The following TIAM2 variants were observed in gnomAD, a reference collection of about 807,000 sequenced individuals.
TIAM2 encodes rho guanine nucleotide exchange factor TIAM2.
A neutral mutation model predicts 152.9 loss-of-function variants in TIAM2; 80 were observed. The ratio of observed to expected loss-of-function variants is 0.52; its 90% CI spans 0.44 to 0.63. TIAM2 has a LOEUF of 0.63. Among genes scored for constraint, TIAM2 ranks in the 30% least tolerant of loss-of-function variants. TIAM2 has a pLI of 0.00. For synonymous variants in TIAM2, 804 were observed against 838.0 expected (o/e 0.96, Z 0.70); for missense variants, 1,965 against 2,120.1 (o/e 0.93, Z 1.44).
chr6:155,150,205 C>T (rs1003121810), intron 7 of TIAM2, among the ~76,000 whole-genome samples: 1 of 152,054 alleles, frequency 6.6e-6, no homozygotes, highest in Non-Finnish European at 1.5e-5. Flanking sequence ...AATAGATGCA[C>T]CTGGCTTAAA....
Position 155,109,901 on chromosome 6 carries a change from G to A in TIAM2, c.-117-17589G>A, listed in dbSNP as rs146133518. Among the ~76,000 whole-genome samples, 20 of 150,348 alleles carry A rather than the reference G, an allele frequency of 1.3e-4. No homozygotes were observed. The East Asian group carries it at 2.7e-3, about 21-fold the overall frequency. On this transcript the variant is annotated intron_variant, in intron 2 of 26. Coordinates refer to ENST00000682666, the MANE Select transcript of TIAM2 (RefSeq NM_012454.4). ...TCTTAGATAATTGATAGAGACTTGTGTATGCATACACATGTGTGCAAATAT... is the reference window on the plus strand; with the variant it reads ...TCTTAGATAATTGATAGAGACTTGTATATGCATACACATGTGTGCAAATAT...
intron 13 of TIAM2, among the ~76,000 whole-genome samples, chr6:155,182,579 G>A (rs559897270): frequency 6.6e-6 from 1 of 152,170 alleles, no homozygotes; most frequent in Non-Finnish European, 1.5e-5. Context: ...GGGAGACAGA[G>A]TGAGACTCCT....
At chr6:155,002,406 G>A (rs775085253) in intron 1 of TIAM2, among the ~76,000 whole-genome samples, 15 of 152,226 alleles carry the variant, frequency 9.9e-5, no homozygotes, top group African/African-American at 3.1e-4. Context: ...GCAAGACCTC[G>A]TCTCAAAATA....
At chr6:155,017,760 C>T (rs1778620777) in intron 1 of TIAM2, among the ~76,000 whole-genome samples, 1 of 152,086 alleles carries the variant, frequency 6.6e-6, no homozygotes, top group Non-Finnish European at 1.5e-5. Flanking sequence ...GCCTCGGCCT[C>T]CCAAAGTGCT....
At position 155,257,710 on chromosome 6, in the gene TIAM2, GA is replaced by G; in HGVS notation, c.*593del. ...TCTCTGCCAAGCTGTATAGTAAAAGGAAAATAAGTCACATCTGGTCATTGGC... is the reference window on the plus strand; with the variant it reads ...TCTCTGCCAAGCTGTATAGTAAAAGGAAATAAGTCACATCTGGTCATTGGC... On this transcript the variant is annotated 3_prime_UTR_variant, in exon 27 of 27. Coordinates refer to ENST00000682666, the MANE Select transcript of TIAM2 (RefSeq NM_012454.4). 1.7e-6 allele frequency: 2 copies of G among 1,170,298 alleles called. No individual in the cohort carries two copies. Among genetic ancestry groups the G allele is most frequent in the Non-Finnish European group, 1.2e-6 (1 of 813,112 alleles). 72.5% of individuals were successfully genotyped at this position (1,170,298 alleles called of 1,614,324 possible). A position where few individuals can be genotyped will look rare whatever the true frequency, so the allele number is the denominator to read the frequency against.
At chr6:155,117,631 C>T (rs1037434879) in intron 2 of TIAM2, among the ~76,000 whole-genome samples, 6 of 152,210 alleles carry the variant, frequency 3.9e-5, no homozygotes, top group East Asian at 1.9e-4. Context: ...ATAGTAAAGG[C>T]GGGGTTTCAC....
Position 155,174,934 on chromosome 6 carries a change from T to G in TIAM2, c.2362-1882T>G, listed in dbSNP as rs1583230623. ...TTAGTTTGCTTCTCAACAAGCCTGG[T>G]TTCAGAGGTGGGGCCTGCACCTTTA... On this transcript the variant is annotated intron_variant, in intron 9 of 26. Transcript: ENST00000682666. The surrounding 1 kb of genome is among the most constrained non-coding windows in gnomAD (Gnocchi z 4.2). Among the ~76,000 whole-genome samples the G allele has an allele frequency of 6.6e-6, 1 of 152,190 alleles. No individual in the cohort carries two copies. Among genetic ancestry groups the G allele is most frequent in the East Asian group, 1.9e-4 (1 of 5,200 alleles).
chr6:155,166,323 T>C (rs966066819), intron 9 of TIAM2, among the ~76,000 whole-genome samples: 58 of 147,520 alleles, frequency 3.9e-4, no homozygotes, highest in African/African-American at 1.2e-3. Flanking sequence ...TTTCTTCTCT[T>C]TTTTTTTTTT....
At chr6:155,053,278 A>G (rs561857288) in intron 1 of TIAM2, among the ~76,000 whole-genome samples, 73 of 152,268 alleles carry the variant, frequency 4.8e-4, no homozygotes, top group Middle Eastern at 3.4e-3. Flanking sequence ...ATTTGGAGGA[A>G]TTGGATTTCT....
At chr6:155,018,286 T>C (rs1486132619) in intron 1 of TIAM2, among the ~76,000 whole-genome samples, 1 of 145,148 alleles carries the variant, frequency 6.9e-6, no homozygotes, top group Non-Finnish European at 1.5e-5. Context: ...TATATATGTA[T>C]GTATATATAA....
chr6:155,254,348 A>T, intron 25 of TIAM2, 71 bp from the exon 26 acceptor site: 1 of 1,563,960 alleles, frequency 6.4e-7, no homozygotes, highest in Non-Finnish European at 8.7e-7. Flanking sequence ...ACAGGAACAC[A>T]GGCGGGCGTG....
chr6:155,065,976 A>G lies in TIAM2; in HGVS notation c.-208-24313A>G, dbSNP rs529381148. Among the ~76,000 whole-genome samples the G allele has an allele frequency of 2.2e-3, 341 of 152,272 alleles. 3 individuals carry two copies. The Middle Eastern group carries it at 0.024, about 11-fold the overall frequency. On this transcript the variant is annotated intron_variant, in intron 1 of 26. Transcript: ENST00000682666. ...TTAGTATTTGGAGGTATTTGGAGGT[A>G]TAAAGGTATTTGATGCATACCTGAA...
Position 155,028,697 on chromosome 6 carries a change from A to G in TIAM2, c.-209+33205A>G, listed in dbSNP as rs1436855205. On this transcript the variant is annotated intron_variant, in intron 1 of 26. Transcript: ENST00000682666. ...TATATATATACTACATATAATATATATACTGTGTTATATATATACTACATA... is the reference window on the plus strand; with the variant it reads ...TATATATATACTACATATAATATATGTACTGTGTTATATATATACTACATA... 2.3e-5 allele frequency among the ~76,000 whole-genome samples: 3 copies of G among 128,662 alleles called. No homozygotes were observed. In the East Asian group the frequency reaches 6.3e-4, roughly 27 times the overall value. 84.4% of individuals were successfully genotyped at this position (128,662 alleles called of 152,430 possible). A position where few individuals can be genotyped will look rare whatever the true frequency, so the allele number is the denominator to read the frequency against.
chr6:155,228,731 C>T (rs983261254), intron 15 of TIAM2, among the ~76,000 whole-genome samples: 6 of 152,112 alleles, frequency 3.9e-5, no homozygotes, highest in East Asian at 3.9e-4. Flanking sequence ...TCCTGAATTC[C>T]GACCAAACTC....
intron 1 of TIAM2, among the ~76,000 whole-genome samples, chr6:155,045,801 A>G (rs1284145779): frequency 7.2e-6 from 1 of 139,276 alleles, no homozygotes; most frequent in African/African-American, 2.7e-5. Context: ...CTCTTCTCCA[A>G]CTTTCTCACT....
At chr6:155,018,040 T>G (rs1778627777) in intron 1 of TIAM2, among the ~76,000 whole-genome samples, 2 of 152,134 alleles carry the variant, frequency 1.3e-5, no homozygotes, top group Admixed American at 6.6e-5. Flanking sequence ...TTATATTGTT[T>G]ACATGTCAAA....
intron 1 of TIAM2, among the ~76,000 whole-genome samples, chr6:155,009,334 T>G (rs758346389): frequency 1.3e-5 from 2 of 151,966 alleles, no homozygotes; most frequent in Non-Finnish European, 2.9e-5. Flanking sequence ...ACTCCTGAAC[T>G]CAGGTGGTCT....
chr6:155,196,181 G>T (rs1055301217), intron 14 of TIAM2, among the ~76,000 whole-genome samples: 1 of 152,130 alleles, frequency 6.6e-6, no homozygotes, highest in Non-Finnish European at 1.5e-5. Context: ...AACAGAGCTC[G>T]CCCAGAGACT....
intron 15 of TIAM2, among the ~76,000 whole-genome samples, chr6:155,215,544 A>G (rs1457239042): frequency 6.6e-6 from 1 of 152,190 alleles, no homozygotes; most frequent in African/African-American, 2.4e-5. Flanking sequence ...GCATTTTTTA[A>G]AATCTTTGGT....
Sources: gnomAD v4.1 joint callset for allele counts (sites outside exome capture counted in the v4.1 genomes callset) on GRCh38, gnomAD v4.1.1 for gene constraint, Gnocchi (gnomAD v3.1) non-coding constraint, MANE v1.5 for transcripts, NCBI Gene and HGNC (gene_info 2026-07-23, HGNC 2026-07-21) for gene names.